DIAPH3: variants seen among roughly 807,000 people sequenced by gnomAD.
The protein encoded by DIAPH3 is diaphanous related formin 3, also known as protein diaphanous homolog 3.
DIAPH3 carries 117 observed loss-of-function variants against 144.3 expected under a neutral mutation model. The ratio of observed to expected loss-of-function variants is 0.81; its 90% CI spans 0.70 to 0.95. The LOEUF (loss-of-function observed/expected upper bound fraction) is 0.95, where lower values mean the gene tolerates loss of function less well. DIAPH3 is among the 40% of genes least tolerant of loss of function. DIAPH3 has a pLI of 0.00. For synonymous variants in DIAPH3, 519 were observed against 488.9 expected (o/e 1.06, Z -0.81); for missense variants, 1,421 against 1,412.7 (o/e 1.01, Z -0.09).
chr13:59,811,753 A>G (rs912586703), intron 24 of DIAPH3, among the ~76,000 whole-genome samples: 3 of 151,494 alleles, frequency 2.0e-5, no homozygotes, highest in South Asian at 4.2e-4. Flanking sequence ...AAAAAAAAAA[A>G]AAAAGAAATG....
chr13:59,835,297 T>C (rs962130639), intron 23 of DIAPH3, among the ~76,000 whole-genome samples: 1 of 151,700 alleles, frequency 6.6e-6, no homozygotes, highest in Admixed American at 6.6e-5. Context: ...TCAAGAAACA[T>C]TTTAGAGTAT....
intron 4 of DIAPH3, among the ~76,000 whole-genome samples, chr13:60,071,684 T>C (rs767634160): frequency 1.3e-5 from 2 of 152,208 alleles, no homozygotes; most frequent in African/African-American, 2.4e-5. Flanking sequence ...TCACTGAGAA[T>C]AGTGAAGCTA....
In DIAPH3 at chr13:59,705,862, G is replaced by A. The variant is rs150470951; in HGVS notation, c.3320-39016C>T. Among the ~76,000 whole-genome samples, 564 of 152,098 alleles carry A rather than the reference G, an allele frequency of 3.7e-3. 3 individuals carry two copies. The highest frequency in any genetic ancestry group is 0.013 in the African/African-American group (538 of 41,496). The stretch of plus-strand genomic sequence containing the variant: ...CATGGTTTAAATGCACAACTTTCCT[G>A]TGCTGATATTACTAAGCAGGTTTTT... On this transcript the variant is annotated intron_variant, in intron 27 of 27. Coordinates refer to ENST00000400324, the MANE Select transcript of DIAPH3 (RefSeq NM_001042517.2).
intron 17 of DIAPH3, among the ~76,000 whole-genome samples, chr13:59,965,588 C>T (rs748175273): frequency 1.1e-4 from 17 of 150,452 alleles, no homozygotes; most frequent in Non-Finnish European, 2.2e-4. Flanking sequence ...TTTGATGATA[C>T]CAAATGTTCA....
chr13:59,892,996 T>C (rs986988095), intron 20 of DIAPH3, among the ~76,000 whole-genome samples: 9 of 152,096 alleles, frequency 5.9e-5, no homozygotes, highest in African/African-American at 1.4e-4. Context: ...TCAGAAACCA[T>C]TAGAGTATTT....
intron 4 of DIAPH3, among the ~76,000 whole-genome samples, chr13:60,049,504 A>G (rs910809392): frequency 1.3e-5 from 2 of 152,076 alleles, no homozygotes; most frequent in African/African-American, 4.8e-5. Context: ...CACCACCACT[A>G]CTACAACCCT....
intron 13 of DIAPH3, among the ~76,000 whole-genome samples, chr13:59,983,042 T>C (rs1484304227): frequency 2.0e-5 from 3 of 150,540 alleles, no homozygotes; most frequent in African/African-American, 4.9e-5. Context: ...TTTGAAGTTA[T>C]AGGCTCACTT....
chr13:60,144,099 T>C (rs529005819), intron 1 of DIAPH3, among the ~76,000 whole-genome samples: 1 of 152,330 alleles, frequency 6.6e-6, no homozygotes, highest in South Asian at 2.1e-4. Context: ...GCAGGTACTA[T>C]GTTCCCCTCA....
chr13:60,047,056 A>G (rs1240901178), intron 4 of DIAPH3, among the ~76,000 whole-genome samples: 1 of 152,110 alleles, frequency 6.6e-6, no homozygotes, highest in Non-Finnish European at 1.5e-5. Context: ...GCAAATCACC[A>G]TGGCACGTGT....
At chr13:60,080,521 A>C (rs2057520499) in intron 4 of DIAPH3, among the ~76,000 whole-genome samples, 1 of 151,946 alleles carries the variant, frequency 6.6e-6, no homozygotes, top group Non-Finnish European at 1.5e-5. Flanking sequence ...TTTCAGCTAA[A>C]ATAAAGCAAA....
In DIAPH3 at chr13:59,774,400, T is replaced by G. The variant is rs533791725; in HGVS notation, c.3260-152A>C. The G allele has an allele frequency of 7.2e-6, 5 of 698,990 alleles. 1 individual carries two copies. The highest frequency in any genetic ancestry group is 5.4e-5 in the African/African-American group (3 of 55,458). The allele number at this position is 698,990 out of a possible 1,614,324, so 43.3% of individuals were successfully genotyped here. A position where few individuals can be genotyped will look rare whatever the true frequency, so the allele number is the denominator to read the frequency against. Reference sequence around the variant, plus strand: ...TGAAATACTTGAAGCAGTAATGTTATGACTTTTACTTCCCATTTAATTATG... The same window carrying G: ...TGAAATACTTGAAGCAGTAATGTTAGGACTTTTACTTCCCATTTAATTATG... On this transcript the variant is annotated intron_variant, in intron 26 of 27. Coordinates refer to ENST00000400324, the MANE Select transcript of DIAPH3 (RefSeq NM_001042517.2).
intron 27 of DIAPH3, among the ~76,000 whole-genome samples, chr13:59,744,196 A>G (rs1300616218): frequency 6.6e-6 from 1 of 152,234 alleles, no homozygotes; most frequent in East Asian, 1.9e-4. Context: ...CCACATTTTA[A>G]TGATGGTTAT....
At position 59,916,074 on chromosome 13, in the gene DIAPH3, A is replaced by G. The variant is rs969440242; in HGVS notation, c.2265+81T>C. The G allele has an allele frequency of 2.5e-6, 3 of 1,219,326 alleles. No individual in the cohort carries two copies. In the Admixed American group the frequency reaches 5.2e-5, roughly 21 times the overall value. The allele number at this position is 1,219,326 out of a possible 1,614,324, so 75.5% of individuals were successfully genotyped here. A position where few individuals can be genotyped will look rare whatever the true frequency, so the allele number is the denominator to read the frequency against. ...TCCAGTTGAATGATTTGGGTGAAGA[A>G]TTTTGCTTCACTTACAGATTTCTAT... On this transcript the variant is annotated intron_variant, in intron 19 of 27. Coordinates refer to ENST00000400324, the MANE Select transcript of DIAPH3 (RefSeq NM_001042517.2).
chr13:59,811,430 G>A lies in DIAPH3; in HGVS notation c.3028-507C>T, dbSNP rs189888516. Among the ~76,000 whole-genome samples the A allele has an allele frequency of 2.0e-3, 307 of 152,128 alleles. 3 individuals carry two copies. The highest frequency in any genetic ancestry group is 7.2e-3 in the African/African-American group (297 of 41,502). Reference sequence around the variant, plus strand: ...TTTTTCTAATATAGAGAGAAATGTCGTAAAGGTAACTAAAGAAATATTTCT... The same window carrying A: ...TTTTTCTAATATAGAGAGAAATGTCATAAAGGTAACTAAAGAAATATTTCT... On this transcript the variant is annotated intron_variant, in intron 24 of 27. Transcript: ENST00000400324.
At chr13:59,811,701 C>CACTCCAG (rs2040484177) in intron 24 of DIAPH3, among the ~76,000 whole-genome samples, 1 of 141,222 alleles carries the variant, frequency 7.1e-6, no homozygotes, top group South Asian at 2.3e-4. Flanking sequence ...CGCACCACTG[C>CACTCCAG]ACTCCAGCCT....
intron 27 of DIAPH3, among the ~76,000 whole-genome samples, chr13:59,679,891 T>C (rs1053918635): frequency 6.6e-6 from 1 of 152,278 alleles, no homozygotes; most frequent in Admixed American, 6.5e-5. Context: ...AAGAAAAATA[T>C]GTTACTATCA....
At chr13:59,910,297 A>T (rs2046930140) in intron 20 of DIAPH3, among the ~76,000 whole-genome samples, 1 of 152,142 alleles carries the variant, frequency 6.6e-6, no homozygotes, top group African/African-American at 2.4e-5. Context: ...TAACCAAATA[A>T]TAGAAAAGCA....
intron 20 of DIAPH3, 85 bp downstream of exon 20, chr13:59,911,650 T>C (rs1207551836): frequency 2.0e-6 from 2 of 1,023,148 alleles, no homozygotes; most frequent in African/African-American, 3.1e-5. Context: ...CTCACATGCT[T>C]TTTTACATTT....
intron 17 of DIAPH3, among the ~76,000 whole-genome samples, chr13:59,947,267 T>C (rs1455818220): frequency 5.9e-5 from 9 of 152,136 alleles, no homozygotes. Context: ...TGCATTACAA[T>C]TAGTAAAAGA....
Sources: allele counts gnomAD v4.1 joint callset (sites outside exome capture counted in the v4.1 genomes callset), GRCh38; gene constraint gnomAD v4.1.1; transcripts MANE v1.5; gene names NCBI Gene and HGNC (gene_info 2026-07-23, HGNC 2026-07-21).